The following ZNF732 variants were observed in gnomAD, a reference collection of about 807,000 sequenced individuals.
ZNF732 encodes zinc finger protein LOC654254.
Under a neutral mutation model 11.5 loss-of-function variants are expected in ZNF732, and 12 were observed. That is an observed-to-expected ratio of 1.05 (90% CI 0.67 to 1.70). The LOEUF (loss-of-function observed/expected upper bound fraction) is 1.70, where lower values mean the gene tolerates loss of function less well. Among genes scored for constraint, ZNF732 ranks in the 40% most tolerant of loss-of-function variants. ZNF732 has a pLI of 0.00. For missense variants in ZNF732, 702 were observed against 676.9 expected, an observed-to-expected ratio of 1.04 and a Z score of -0.41; for synonymous variants, 231 against 236.5, an observed-to-expected ratio of 0.98 and a Z score of 0.21.
At chr4:305,231 T>C (rs2108663857) in intron 1 of ZNF732, 77 bp downstream of exon 1, 1 of 1,548,390 alleles carries the variant, frequency 6.5e-7, no homozygotes, top group Non-Finnish European at 8.7e-7. Context: ...GTTCGCAGAC[T>C]CCGTCCCGCC....
intron 3 of ZNF732, among the ~76,000 whole-genome samples, chr4:295,090 A>C (rs1258592917): frequency 1.3e-5 from 2 of 152,184 alleles, no homozygotes; most frequent in Non-Finnish European, 2.9e-5. Flanking sequence ...TACAAAAAGA[A>C]TATTTGAAAA....
chr4:283,988 G>C (rs1245097961), intron 3 of ZNF732, among the ~76,000 whole-genome samples: 1 of 152,020 alleles, frequency 6.6e-6, no homozygotes, highest in Non-Finnish European at 1.5e-5. Flanking sequence ...TCGGCTCACT[G>C]CAAGTTCCGC....
rs181391253 is a variant in ZNF732 at position 296,681 on chromosome 4, C to G, written c.4-526G>C. 7.6e-3 allele frequency among the ~76,000 whole-genome samples: 1,162 copies of G among 152,220 alleles called. 13 individuals carry two copies. Among genetic ancestry groups the G allele is most frequent in the Non-Finnish European group, 0.014 (932 of 68,010 alleles). On this transcript the variant is annotated intron_variant, in intron 1 of 3. Coordinates refer to ENST00000419098, the MANE Select transcript of ZNF732 (RefSeq NM_001137608.3). ...CATAAAAATTATTTTATATTCTCGG[C>G]CTCACTGTAACAAAATTTTGCAGGT...
At chr4:283,911 G>T (rs988928709) in intron 3 of ZNF732, among the ~76,000 whole-genome samples, 1 of 151,612 alleles carries the variant, frequency 6.6e-6, no homozygotes, top group Non-Finnish European at 1.5e-5. Context: ...ACTTGTTTGT[G>T]TTTTTTTTAG....
chr4:289,704 C>T (rs1190896898), intron 3 of ZNF732, among the ~76,000 whole-genome samples: 1 of 152,062 alleles, frequency 6.6e-6, no homozygotes, highest in African/African-American at 2.4e-5. Flanking sequence ...TTAGATTGAA[C>T]TGCAATGGAT....
Position 272,157 on chromosome 4 carries a change from T to C in ZNF732, c.700A>G (p.Thr234Ala), listed in dbSNP as rs1377466529. The change falls in exon 4 of 4, where the codon ACA (threonine) becomes GCA (alanine). Residue 234 changes from threonine (T) to alanine (A), a missense_variant. Thr to Ala is a moderately conservative substitution (Grantham distance 58). Coordinates refer to ENST00000419098, the MANE Select transcript of ZNF732 (RefSeq NM_001137608.3). ...TTATGTTTAGCAAAGTTTGAGGATGTGGTAAAGATGTTGCCACATTCTTCA... is the reference window on the plus strand; with the variant it reads ...TTATGTTTAGCAAAGTTTGAGGATGCGGTAAAGATGTTGCCACATTCTTCA... ...TCEECGNIFT[T>A]SSNFAKHKVH... is the part of the protein sequence containing the mutation. 5 of 1,612,724 alleles carry C rather than the reference T, an allele frequency of 3.1e-6. No homozygotes were observed. The highest frequency in any genetic ancestry group is 4.2e-6 in the Non-Finnish European group (5 of 1,179,508).
chr4:275,098 C>T (rs1719465297), intron 3 of ZNF732, among the ~76,000 whole-genome samples: 2 of 151,602 alleles, frequency 1.3e-5, no homozygotes, highest in Non-Finnish European at 3.0e-5. Flanking sequence ...CAACTAAATA[C>T]ACACCCTTCT....
rs147327679 is a variant in ZNF732, at chr4:271,989, A to C, written c.868T>G (p.Ser290Ala). The C allele has an allele frequency of 6.2e-7, 1 of 1,607,796 alleles. No individual in the cohort carries two copies. Among genetic ancestry groups the C allele is most frequent in the African/African-American group, 1.3e-5 (1 of 74,762 alleles). ...CEECGKIITSSSNVAKHKKIH... is the reference protein window; with the variant it reads ...CEECGKIITSASNVAKHKKIH... ...TTCTTATGTTTGGCAACATTTGAGG[A>C]TGAGGTAATGATTTTGCCACATTCT... Residue 290 changes from serine (S) to alanine (A), a missense_variant, in exon 4 of 4, where the codon TCC becomes GCC. By Grantham distance (99) the Ser-to-Ala change is moderately conservative. Transcript: ENST00000419098.
intron 3 of ZNF732, among the ~76,000 whole-genome samples, chr4:290,745 C>G (rs1553841242): frequency 1.3e-5 from 2 of 152,148 alleles, no homozygotes; most frequent in Non-Finnish European, 2.9e-5. Context: ...TTTCAGGGCC[C>G]AGAAGAATCC....
chr4:272,218 A>G lies in ZNF732; in HGVS notation c.639T>C (p.Tyr213=), dbSNP rs782704668. Residue 213 remains tyrosine (Y), a synonymous_variant, in exon 4 of 4, where the codon TAT becomes TAC. Coordinates refer to ENST00000419098, the MANE Select transcript of ZNF732 (RefSeq NM_001137608.3). ...DFKWYLIFNE[Y]EIIHTGEKPF... is the part of the protein sequence containing the mutation. ...GTTTCTCTCCAGTATGAATTATCTC[A>G]TATTCATTAAAGATTAAATACCATT... 5.0e-6 allele frequency: 8 copies of G among 1,612,512 alleles called. No homozygotes were observed. In the South Asian group the frequency reaches 8.8e-5, roughly 18 times the overall value.
At chr4:300,201 G>A (rs1273441291) in intron 1 of ZNF732, among the ~76,000 whole-genome samples, 9 of 150,258 alleles carry the variant, frequency 6.0e-5, no homozygotes, top group Non-Finnish European at 1.3e-4. Flanking sequence ...GGTGGCTCAC[G>A]CCGGTAATCC....
intron 3 of ZNF732, among the ~76,000 whole-genome samples, chr4:289,318 T>G (rs1719793774): frequency 6.6e-6 from 1 of 152,288 alleles, no homozygotes; most frequent in African/African-American, 2.4e-5. Flanking sequence ...TGTCTACATG[T>G]AATCCACTCC....
At position 271,923 on chromosome 4, in the gene ZNF732, CA is replaced by C; in HGVS notation, c.933del (p.Cys311TrpfsTer39). ...GTTGTGGACCTATTAAAGACTTTGC[CA>C]CATTCCTGACATTTGTAGAGTTTCT... ...TGEKLYKCQE[C>X]GKVFNRSTTL... is the part of the protein sequence containing the mutation. On this transcript the variant is annotated frameshift_variant, in exon 4 of 4. Coordinates refer to ENST00000419098, the MANE Select transcript of ZNF732 (RefSeq NM_001137608.3). LOFTEE classifies it low-confidence loss of function (END_TRUNC). The C allele has an allele frequency of 1.2e-6, 2 of 1,610,610 alleles. No homozygotes were observed. Among genetic ancestry groups the C allele is most frequent in the Non-Finnish European group, 1.7e-6 (2 of 1,178,292 alleles).
At chr4:297,607 TAAAAAAAAAAAAA>T (rs57681246) in intron 1 of ZNF732, among the ~76,000 whole-genome samples, 1 of 101,016 alleles carries the variant, frequency 9.9e-6, no homozygotes, top group South Asian at 3.9e-4. Context: ...TTAAGATTTG[TAAAAAAAAAAAAA>T]AAAAAAAAAA....
chr4:279,181 A>AT (rs758518515), intron 3 of ZNF732, among the ~76,000 whole-genome samples: 2 of 151,914 alleles, frequency 1.3e-5, no homozygotes, highest in Non-Finnish European at 2.9e-5. Flanking sequence ...GCTCATGCCT[A>AT]TAATTCCAGC....
At chr4:291,979 C>CAA (rs1719849624) in intron 3 of ZNF732, among the ~76,000 whole-genome samples, 1 of 152,154 alleles carries the variant, frequency 6.6e-6, no homozygotes, top group African/African-American at 2.4e-5. Flanking sequence ...ACACTCTTGT[C>CAA]AATACGTGGT....
Position 296,103 on chromosome 4 carries a change from T to A in ZNF732, c.56A>T (p.Lys19Ile). ...VAIEFSPEEW[K>I]CLDPAQQNLY... ...ATTCTGCTGGGCAGGGTCCAGGCAT[T>A]TCCACTCTTCTGGAGAGAATTCTAT... Residue 19 changes from lysine (K) to isoleucine (I), a missense_variant, in exon 2 of 4, where the codon AAA (lysine) becomes ATA (isoleucine). Lys to Ile is a moderately radical substitution (Grantham distance 102, BLOSUM62 -3). Around this residue, in one of 3 missense-constraint regions of ZNF732, gnomAD observed 596 missense variants for 557.9 expected, o/e 1.07. Coordinates refer to ENST00000419098, the MANE Select transcript of ZNF732 (RefSeq NM_001137608.3). The A allele has an allele frequency of 6.2e-7, 1 of 1,613,926 alleles. No individual in the cohort carries two copies. Among genetic ancestry groups the A allele is most frequent in the Non-Finnish European group, 8.5e-7 (1 of 1,179,922 alleles).
In ZNF732 at chr4:304,906, T is replaced by G. The variant is rs149813186; in HGVS notation, c.3+402A>C. On this transcript the variant is annotated intron_variant, in intron 1 of 3. Transcript: ENST00000419098. ...CAAGCCATGCCCGGGGCTGTCCCAT[T>G]AATTAGTCCCCATTTGCTCACATGA... Among the ~76,000 whole-genome samples, 550 of 152,332 alleles carry G rather than the reference T, an allele frequency of 3.6e-3. 4 individuals are homozygous for G. Among genetic ancestry groups the G allele is most frequent in the African/African-American group, 0.012 (519 of 41,588 alleles).
chr4:295,771 A>C (rs182556325), intron 2 of ZNF732, among the ~76,000 whole-genome samples: 3 of 152,356 alleles, frequency 2.0e-5, no homozygotes, highest in Non-Finnish European at 4.4e-5. Flanking sequence ...TGTGGGAAAC[A>C]ATAATTTATG....
Sources: gnomAD v4.1 joint callset for allele counts (sites outside exome capture counted in the v4.1 genomes callset) on GRCh38, gnomAD v4.1.1 for gene constraint, gnomAD v4.1.1 regional missense constraint, MANE v1.5 for transcripts, NCBI Gene and HGNC (gene_info 2026-07-23, HGNC 2026-07-21) for gene names.